The following FBXW11 variants were observed in gnomAD, a reference collection of about 807,000 sequenced individuals.
The protein encoded by FBXW11 is F-box and WD repeat domain containing 11.
FBXW11 carries 19 observed loss-of-function variants against 77.6 expected under a neutral mutation model. The ratio of observed to expected loss-of-function variants is 0.24; its 90% CI spans 0.17 to 0.36. The LOEUF (loss-of-function observed/expected upper bound fraction) is 0.36. Ranked by LOEUF, FBXW11 falls within the 10% of genes least tolerant of loss-of-function variation. The pLI, the probability that FBXW11 is intolerant of heterozygous loss-of-function variation, is 1.00. For missense variants in FBXW11, 334 were observed against 704.2 expected, an observed-to-expected ratio of 0.47 and a Z score of 5.95; for synonymous variants, 235 against 249.4, an observed-to-expected ratio of 0.94 and a Z score of 0.54.
intron 7 of FBXW11, among the ~76,000 whole-genome samples, chr5:171,882,993 G>A (rs891831644): frequency 2.0e-5 from 3 of 150,892 alleles, no homozygotes; most frequent in Non-Finnish European, 2.9e-5. Context: ...ATGCATTTGC[G>A]TCCTCATAGC....
intron 9 of FBXW11, among the ~76,000 whole-genome samples, chr5:171,874,816 G>A (rs904880397): frequency 4.0e-5 from 6 of 148,626 alleles, no homozygotes; most frequent in African/African-American, 5.0e-5. Flanking sequence ...CAGCTACTCC[G>A]GGAGGCTTAG....
At chr5:171,886,922 G>C (rs1250268401) in intron 7 of FBXW11, among the ~76,000 whole-genome samples, 1 of 152,150 alleles carries the variant, frequency 6.6e-6, no homozygotes, top group African/African-American at 2.4e-5. Context: ...GGCTGAGGGA[G>C]GAGAATCGCT....
chr5:171,989,722 T>C (rs1160923740), intron 1 of FBXW11, among the ~76,000 whole-genome samples: 2 of 152,212 alleles, frequency 1.3e-5, no homozygotes, highest in Admixed American at 1.3e-4. Context: ...TGTACTTTGT[T>C]TGGATCCTGT....
At chr5:171,910,320 C>T (rs766344872) in intron 4 of FBXW11, among the ~76,000 whole-genome samples, 1 of 152,100 alleles carries the variant, frequency 6.6e-6, no homozygotes, top group Non-Finnish European at 1.5e-5. Flanking sequence ...CCTGCCTTAG[C>T]CTCCCAAAGT....
At chr5:171,922,813 C>T (rs1761666181) in intron 2 of FBXW11, among the ~76,000 whole-genome samples, 1 of 152,130 alleles carries the variant, frequency 6.6e-6, no homozygotes, top group Non-Finnish European at 1.5e-5. Context: ...TTGTTATTGA[C>T]ATTATACGAC....
intron 7 of FBXW11, among the ~76,000 whole-genome samples, chr5:171,888,223 GA>G (rs1206649955): frequency 6.6e-6 from 1 of 152,004 alleles, no homozygotes; most frequent in Admixed American, 6.5e-5. Flanking sequence ...AGAGGAAAAG[GA>G]AAAAAGTGTC....
intron 1 of FBXW11, among the ~76,000 whole-genome samples, chr5:172,000,713 T>C (rs1371133564): frequency 6.6e-6 from 1 of 152,208 alleles, no homozygotes; most frequent in Admixed American, 6.5e-5. Flanking sequence ...ACATCTCTCA[T>C]ATAATCCTCC....
At position 171,898,988 on chromosome 5, in the gene FBXW11, T is replaced by A. The variant is rs533243241; in HGVS notation, c.714+16A>T. 3 of 1,505,218 alleles carry A rather than the reference T, an allele frequency of 2.0e-6. No individual in the cohort carries two copies. Among genetic ancestry groups the A allele is most frequent in the South Asian group, 2.4e-5 (2 of 81,830 alleles). The allele number at this position is 1,505,218 out of a possible 1,614,324, so 93.2% of individuals were successfully genotyped here. On this transcript the variant is annotated intron_variant, in intron 6 of 13. Transcript: ENST00000517395. ...AGAAACAAAGAGCCCATAAAACAGA[T>A]AAATCATAAAGTTACCTCTATATCC...
Position 171,878,017 on chromosome 5 carries a change from G to A in FBXW11, c.965C>T (p.Thr322Met), listed in dbSNP as rs375532917. 9 of 1,610,604 alleles carry A rather than the reference G, an allele frequency of 5.6e-6. No homozygotes were observed. The highest frequency in any genetic ancestry group is 2.2e-5 in the East Asian group (1 of 44,842). The stretch of plus-strand genomic sequence containing the variant: ...ATGAAGCCAGATCACTCACCTCACC[G>A]TAGAATCTGAAGAGCCAGTTACAAT... ...RVIVTGSSDS[T>M]VRVWDVNTGE... The change falls in exon 8 of 14, where the codon ACG becomes ATG. Residue 322 changes from threonine (T) to methionine (M), a missense_variant. Around this residue, in one of 10 missense-constraint regions of FBXW11, gnomAD observed 70 missense variants for 136.6 expected, o/e 0.51. Coordinates refer to ENST00000517395, the MANE Select transcript of FBXW11 (RefSeq NM_001378974.1).
At chr5:171,877,880 C>T (rs545675119) in intron 8 of FBXW11, 131 bp downstream of exon 8, 4 of 721,600 alleles carry the variant, frequency 5.5e-6, no homozygotes, top group South Asian at 5.4e-5. Flanking sequence ...AACATGTCTA[C>T]AATAAAAGTA....
In FBXW11 at chr5:171,952,282, C is replaced by T. The variant is rs188839065; in HGVS notation, c.147+5315G>A. On this transcript the variant is annotated intron_variant, in intron 2 of 13. Coordinates refer to ENST00000517395, the MANE Select transcript of FBXW11 (RefSeq NM_001378974.1). The stretch of plus-strand genomic sequence containing the variant: ...GTTCTCTCTGGGTGGTAGATGCTCA[C>T]GCTACCAATGGACGTTTTCTTCTTT... Among the ~76,000 whole-genome samples the T allele has an allele frequency of 5.3e-5, 8 of 150,828 alleles. No homozygotes were observed. The East Asian group carries it at 7.8e-4, about 15-fold the overall frequency.
chr5:171,947,804 C>CTACT (rs1311946902), intron 2 of FBXW11, among the ~76,000 whole-genome samples: 1 of 151,980 alleles, frequency 6.6e-6, no homozygotes, highest in Non-Finnish European at 1.5e-5. Flanking sequence ...GTGGTCCCAG[C>CTACT]TACTTGGGAG....
intron 6 of FBXW11, 48 bp from the exon 7 acceptor site, chr5:171,891,652 TC>T: frequency 1.3e-6 from 2 of 1,581,236 alleles, no homozygotes; most frequent in Non-Finnish European, 1.7e-6. Context: ...ATCAACTTAC[TC>T]TATTAGGTTT....
At chr5:171,982,808 T>C (rs919524068) in intron 1 of FBXW11, among the ~76,000 whole-genome samples, 3 of 152,034 alleles carry the variant, frequency 2.0e-5, no homozygotes, top group Non-Finnish European at 4.4e-5. Context: ...CCAGCCCTCC[T>C]TTGACCTGAC....
At chr5:171,975,933 A>C (rs866284390) in intron 1 of FBXW11, among the ~76,000 whole-genome samples, 5 of 152,164 alleles carry the variant, frequency 3.3e-5, no homozygotes, top group African/African-American at 1.2e-4. Context: ...AAATGTTGGG[A>C]AACACATTAT....
At chr5:171,895,526 G>A (rs1192553324) in intron 6 of FBXW11, among the ~76,000 whole-genome samples, 2 of 152,166 alleles carry the variant, frequency 1.3e-5, no homozygotes, top group Non-Finnish European at 2.9e-5. Context: ...TGTCCAAGAA[G>A]AGCACTTCGG....
chr5:171,863,485 T>C lies in FBXW11; in HGVS notation c.*642A>G, dbSNP rs1757205385. 1 of 152,572 alleles carries C rather than the reference T, an allele frequency of 6.6e-6. No homozygotes were observed. Among genetic ancestry groups the C allele is most frequent in the African/African-American group, 2.4e-5 (1 of 41,468 alleles). 9.5% of individuals were successfully genotyped at this position (152,572 alleles called of 1,614,324 possible). On this transcript the variant is annotated 3_prime_UTR_variant, in exon 14 of 14. Coordinates refer to ENST00000517395, the MANE Select transcript of FBXW11 (RefSeq NM_001378974.1). ...AAGAAAGAGCTATATTACCTGTTGG[T>C]AGATAATATAACTGACTTATAGTTC...
chr5:171,965,680 C>T (rs758552591), intron 1 of FBXW11, among the ~76,000 whole-genome samples: 3 of 152,054 alleles, frequency 2.0e-5, no homozygotes, highest in Non-Finnish European at 2.9e-5. Context: ...CCAATGACCA[C>T]CTAGTACTCA....
At chr5:171,874,924 T>G (rs1174163149) in intron 9 of FBXW11, among the ~76,000 whole-genome samples, 2 of 151,738 alleles carry the variant, frequency 1.3e-5, no homozygotes, top group African/African-American at 4.8e-5. Flanking sequence ...CCAGCCTGGG[T>G]GACAGAGTGA....
Sources: gnomAD v4.1 joint callset for allele counts (sites outside exome capture counted in the v4.1 genomes callset) on GRCh38, gnomAD v4.1.1 for gene constraint, gnomAD v4.1.1 regional missense constraint, MANE v1.5 for transcripts, NCBI Gene and HGNC (gene_info 2026-07-23, HGNC 2026-07-21) for gene names.